The following UTRN variants were observed in gnomAD, a reference collection of about 807,000 sequenced individuals.
UTRN encodes the protein utrophin.
A neutral mutation model predicts 463.9 loss-of-function variants in UTRN; 283 were observed. That is an observed-to-expected ratio of 0.61 (90% confidence interval 0.55 to 0.67). UTRN has a LOEUF of 0.67. Among genes scored for constraint, UTRN ranks in the 30% least tolerant of loss-of-function variants. The pLI, the probability that UTRN is intolerant of heterozygous loss-of-function variation, is 0.00. For synonymous variants in UTRN, 1,442 were observed against 1,431.5 expected (o/e 1.01, Z -0.17); for missense variants, 3,922 against 4,084.3 (o/e 0.96, Z 1.08).
chr6:144,730,925 C>A (rs1169093231), intron 54 of UTRN, among the ~76,000 whole-genome samples: 1 of 151,074 alleles, frequency 6.6e-6, no homozygotes, highest in Non-Finnish European at 1.5e-5. Context: ...CTTTTACAAG[C>A]AGACAACATT....
At chr6:144,439,695 G>A (rs182303698) in intron 12 of UTRN, among the ~76,000 whole-genome samples, 1 of 152,120 alleles carries the variant, frequency 6.6e-6, no homozygotes, top group East Asian at 1.9e-4. Flanking sequence ...TAAAGTCAGG[G>A]TTTCACCATG....
At chr6:144,819,246 C>T (rs1238310336) in intron 65 of UTRN, among the ~76,000 whole-genome samples, 2 of 152,154 alleles carry the variant, frequency 1.3e-5, no homozygotes, top group African/African-American at 4.8e-5. Flanking sequence ...CTCATCTCTG[C>T]TTTGCAAGCC....
At chr6:144,741,127 A>C (rs1002610770) in intron 54 of UTRN, among the ~76,000 whole-genome samples, 1 of 152,230 alleles carries the variant, frequency 6.6e-6, no homozygotes, top group African/African-American at 2.4e-5. Flanking sequence ...ATTTTTTAAG[A>C]AGTATAATCC....
intron 51 of UTRN, chr6:144,660,287 G>A (rs1318812827): frequency 1.3e-5 from 6 of 470,928 alleles, no homozygotes; most frequent in Non-Finnish European, 2.6e-5. Flanking sequence ...TATGCAGAAA[G>A]CAAACTTCAT....
Position 144,441,615 on chromosome 6 carries a change from T to A in UTRN, c.1512+1144T>A, listed in dbSNP as rs192069882. On this transcript the variant is annotated intron_variant, in intron 13 of 74. Transcript: ENST00000367545. Reference sequence around the variant, plus strand: ...GCATAGTGCAAGCTGTCAGTGGATCTACCACCCTGGGGTCTGGAGGACAGT... The same window carrying A: ...GCATAGTGCAAGCTGTCAGTGGATCAACCACCCTGGGGTCTGGAGGACAGT... Among the ~76,000 whole-genome samples, 279 of 152,334 alleles carry A rather than the reference T, an allele frequency of 1.8e-3. 1 individual carries two copies. Among genetic ancestry groups the A allele is most frequent in the African/African-American group, 5.5e-3 (229 of 41,580 alleles).
At chr6:144,485,016 G>A (rs1584972224) in intron 27 of UTRN, among the ~76,000 whole-genome samples, 1 of 151,884 alleles carries the variant, frequency 6.6e-6, no homozygotes, top group Non-Finnish European at 1.5e-5. Flanking sequence ...CCGGGTTCAC[G>A]CCATTCTCCT....
chr6:144,369,170 C>A lies in UTRN; in HGVS notation c.80-33953C>A, dbSNP rs576721326. 2.0e-5 allele frequency among the ~76,000 whole-genome samples: 3 copies of A among 152,338 alleles called. 1 individual carries two copies. Among genetic ancestry groups the A allele is most frequent in the Admixed American group, 2.0e-4 (3 of 15,300 alleles). ...TCACTAAAACTTACCCAGATCTGTT[C>A]ATTCGTTCATTTGATTCATATTTGT... On this transcript the variant is annotated intron_variant, in intron 2 of 74. Coordinates refer to ENST00000367545, the MANE Select transcript of UTRN (RefSeq NM_007124.3).
At chr6:144,660,292 C>A (rs1306639774) in intron 51 of UTRN, 1 of 471,102 alleles carries the variant, frequency 2.1e-6, no homozygotes, top group South Asian at 1.5e-5. Context: ...AGAAAGCAAA[C>A]TTCATGAATG....
rs145342774 is a variant in UTRN at position 144,751,504 on chromosome 6, A to G, written c.8209-302A>G. ...GCCTTGCCATTTATTTGGAAGTACA[A>G]TTCCAGGACCCCGCATGTACCAAAA... On this transcript the variant is annotated intron_variant, in intron 55 of 74. Transcript: ENST00000367545. 1.4e-3 allele frequency among the ~76,000 whole-genome samples: 219 copies of G among 152,286 alleles called. 1 individual carries two copies. The highest frequency in any genetic ancestry group is 3.4e-3 in the Middle Eastern group (1 of 294).
intron 51 of UTRN, among the ~76,000 whole-genome samples, chr6:144,606,204 CTT>C (rs543843412): frequency 2.6e-5 from 4 of 152,132 alleles, no homozygotes; most frequent in African/African-American, 4.8e-5. Flanking sequence ...CAACTGATCT[CTT>C]TGTTATTTTG....
chr6:144,793,876 A>G lies in UTRN; in HGVS notation c.8963A>G (p.Gln2988Arg), dbSNP rs1776981685. Reference sequence around the variant, plus strand: ...GCAGGGCCAACAGAAATGTGTGACCAGAGGCAGCTGGGCCTGTTACTTCAT... The same window carrying G: ...GCAGGGCCAACAGAAATGTGTGACCGGAGGCAGCTGGGCCTGTTACTTCAT... ...EVAGPTEMCD[Q>R]RQLGLLLHDA... Residue 2988 changes from glutamine (Q) to arginine (R), a missense_variant, in exon 63 of 75, where the codon CAG (glutamine) becomes CGG (arginine). Transcript: ENST00000367545. 1 of 1,614,170 alleles carries G rather than the reference A, an allele frequency of 6.2e-7. No homozygotes were observed. The highest frequency in any genetic ancestry group is 8.5e-7 in the Non-Finnish European group (1 of 1,179,986).
intron 2 of UTRN, among the ~76,000 whole-genome samples, chr6:144,348,295 A>T (rs548626335): frequency 3.9e-5 from 6 of 152,138 alleles, no homozygotes; most frequent in Non-Finnish European, 8.8e-5. Context: ...AGGTGATTTG[A>T]TTCTTCCCCC....
intron 2 of UTRN, among the ~76,000 whole-genome samples, chr6:144,350,503 C>A (rs2502641): frequency 0.9 from 137,223 of 152,254 alleles, 61,969 homozygotes; most frequent in East Asian, 0.99. Flanking sequence ...CATGTATCTT[C>A]GCTTACTTGG....
chr6:144,580,901 T>C (rs1393330401), intron 51 of UTRN, among the ~76,000 whole-genome samples: 1 of 152,064 alleles, frequency 6.6e-6, no homozygotes, highest in African/African-American at 2.4e-5. Flanking sequence ...AGGCTACAGG[T>C]AATAATTACC....
intron 65 of UTRN, among the ~76,000 whole-genome samples, chr6:144,812,557 C>A (rs1184602896): frequency 1.3e-5 from 2 of 152,110 alleles, no homozygotes; most frequent in East Asian, 3.9e-4. Context: ...CACATGCATT[C>A]ATATAGAGAT....
At chr6:144,392,013 G>T (rs1781983516) in intron 2 of UTRN, among the ~76,000 whole-genome samples, 1 of 152,178 alleles carries the variant, frequency 6.6e-6, no homozygotes, top group African/African-American at 2.4e-5. Context: ...TTGGTGCATT[G>T]GGTGCTGAGT....
intron 2 of UTRN, among the ~76,000 whole-genome samples, chr6:144,333,930 C>T (rs1584319662): frequency 6.6e-6 from 1 of 152,166 alleles, no homozygotes; most frequent in East Asian, 1.9e-4. Flanking sequence ...TATCCACCCA[C>T]CTACTATGTG....
At chr6:144,777,011 C>T (rs1418733869) in intron 60 of UTRN, among the ~76,000 whole-genome samples, 1 of 152,066 alleles carries the variant, frequency 6.6e-6, no homozygotes, top group African/African-American at 2.4e-5. Context: ...GGCACTAAGG[C>T]AGAGTGTCAA....
intron 37 of UTRN, among the ~76,000 whole-genome samples, chr6:144,515,847 T>C (rs1469144098): frequency 6.6e-6 from 1 of 152,340 alleles, no homozygotes; most frequent in Non-Finnish European, 1.5e-5. Flanking sequence ...GGAGACATTC[T>C]GTGAGGTGTC....
Sources: allele counts gnomAD v4.1 joint callset (sites outside exome capture counted in the v4.1 genomes callset), GRCh38; gene constraint gnomAD v4.1.1; transcripts MANE v1.5; gene names NCBI Gene and HGNC (gene_info 2026-07-23, HGNC 2026-07-21).